ACSL3: variants seen among roughly 807,000 people sequenced by gnomAD.
ACSL3 encodes acyl-CoA synthetase long chain family member 3, also known as fatty acid CoA ligase Acsl3.
Under a neutral mutation model 84.7 loss-of-function variants are expected in ACSL3, and 34 were observed. The ratio of observed to expected loss-of-function variants is 0.40; its 90% CI spans 0.31 to 0.53. The LOEUF (loss-of-function observed/expected upper bound fraction) is 0.53, where lower values mean the gene tolerates loss of function less well. ACSL3 is among the 20% of genes least tolerant of loss of function. The pLI is 0.48. For synonymous variants in ACSL3, 315 were observed against 299.4 expected, an observed-to-expected ratio of 1.05 and a Z score of -0.54; for missense variants, 680 against 873.1, an observed-to-expected ratio of 0.78 and a Z score of 2.79.
chr2:222,887,726 G>A (rs1167941529), intron 1 of ACSL3, 104 bp from the exon 2 acceptor site: 1 of 152,170 alleles, frequency 6.6e-6, no homozygotes, highest in African/African-American at 2.4e-5. Flanking sequence ...AACTTTTCAT[G>A]TGAGGTTTAG....
rs369936756 is a variant in ACSL3, at chr2:222,871,952, TC to T, written c.-207+10701del. Among the ~76,000 whole-genome samples, 585 of 151,726 alleles carry T rather than the reference TC, an allele frequency of 3.9e-3. 2 individuals are homozygous for T. Among genetic ancestry groups the T allele is most frequent in the Middle Eastern group, 0.02 (6 of 294 alleles). ...TGTGGCATTACTGCTCTTGTGGCAT[TC>T]CCCCCCACCCCCGACTCCCTTGTTT... On this transcript the variant is annotated intron_variant, in intron 1 of 16. Coordinates refer to ENST00000357430, the MANE Select transcript of ACSL3 (RefSeq NM_004457.5).
intron 5 of ACSL3, chr2:222,917,598 T>G (rs895832947): frequency 6.6e-6 from 1 of 152,512 alleles, no homozygotes; most frequent in Non-Finnish European, 1.5e-5. Context: ...ATATTTTTGC[T>G]TGAGAATAAA....
chr2:222,926,355 T>TA (rs2106134302), intron 11 of ACSL3, among the ~76,000 whole-genome samples: 1 of 152,296 alleles, frequency 6.6e-6, no homozygotes, highest in Non-Finnish European at 1.5e-5. Context: ...AGTCTGTTAA[T>TA]ACCATTTTTA....
intron 6 of ACSL3, 35 bp downstream of exon 6, chr2:222,918,190 C>T (rs757522552): frequency 1.4e-6 from 2 of 1,437,056 alleles, no homozygotes; most frequent in Admixed American, 1.8e-5. Flanking sequence ...CTGTCTGATA[C>T]TTTAGAATTT....
At chr2:222,932,989 G>C (rs1697070088) in intron 14 of ACSL3, 177 bp from the exon 15 acceptor site, 1 of 485,894 alleles carries the variant, frequency 2.1e-6, no homozygotes, top group African/African-American at 2.0e-5. Flanking sequence ...CAAAAATTAG[G>C]GCCTAATTTT....
chr2:222,879,408 C>T (rs150774058), intron 1 of ACSL3, among the ~76,000 whole-genome samples: 1 of 152,166 alleles, frequency 6.6e-6, no homozygotes, highest in African/African-American at 2.4e-5. Context: ...TTGCTAACTC[C>T]CCCCATATAT....
intron 16 of ACSL3, among the ~76,000 whole-genome samples, chr2:222,937,812 CTT>C (rs981476596): frequency 6.6e-6 from 1 of 152,066 alleles, no homozygotes; most frequent in African/African-American, 2.4e-5. Context: ...ATATGAAAGA[CTT>C]TTCATACCTA....
chr2:222,926,950 AGTTTAAGTGATTTG>A, intron 11 of ACSL3, 53 bp from the exon 12 acceptor site: 1 of 1,516,502 alleles, frequency 6.6e-7, no homozygotes, highest in Non-Finnish European at 9.0e-7. Context: ...CTGGGGGATT[AGTTTAAGTGATTTG>A]GAAAATCCCA....
chr2:222,942,138 G>A lies in ACSL3; in HGVS notation c.*484G>A, dbSNP rs1204683746. 1 of 202,720 alleles carries A rather than the reference G, an allele frequency of 4.9e-6. No homozygotes were observed. The highest frequency in any genetic ancestry group is 1.0e-5 in the Non-Finnish European group (1 of 98,532). The allele number at this position is 202,720 out of a possible 1,614,324, so 12.6% of individuals were successfully genotyped here. A position where few individuals can be genotyped will look rare whatever the true frequency, so the allele number is the denominator to read the frequency against. On this transcript the variant is annotated 3_prime_UTR_variant, in exon 17 of 17. Transcript: ENST00000357430. The stretch of plus-strand genomic sequence containing the variant: ...TCAAATGCTTATGAATCAAATCATT[G>A]TTGAACAAAAGATTTGTTGCTGTGT...
At chr2:222,937,458 G>T (rs1291304025) in intron 16 of ACSL3, among the ~76,000 whole-genome samples, 2 of 152,050 alleles carry the variant, frequency 1.3e-5, no homozygotes, top group African/African-American at 2.4e-5. Flanking sequence ...AGTTATGTCA[G>T]TGTTTGCTTC....
intron 7 of ACSL3, chr2:222,920,823 TC>T (rs1170954836): frequency 1.6e-5 from 6 of 372,360 alleles, no homozygotes; most frequent in Non-Finnish European, 5.4e-6. Flanking sequence ...CTCACTCTGT[TC>T]CAGCCACACT....
intron 10 of ACSL3, among the ~76,000 whole-genome samples, chr2:222,923,944 C>T (rs114329863): frequency 0.013 from 1,958 of 152,274 alleles, 50 homozygotes; most frequent in African/African-American, 0.044. Flanking sequence ...AAATGCAGCA[C>T]AGACAAGGAA....
At position 222,868,977 on chromosome 2, in the gene ACSL3, A is replaced by T. The variant is rs79701015; in HGVS notation, c.-207+7719A>T. On this transcript the variant is annotated intron_variant, in intron 1 of 16. Transcript: ENST00000357430. ...AGAGGGAGACGCTGTCTCAAAAAAA[A>T]AAAAAAAATTAGGATTTATCGTGTT... 6.9e-3 allele frequency among the ~76,000 whole-genome samples: 1,049 copies of T among 152,230 alleles called. 12 individuals carry two copies. Among genetic ancestry groups the T allele is most frequent in the South Asian group, 0.046 (224 of 4,826 alleles).
At chr2:222,874,757 A>G (rs528116484) in intron 1 of ACSL3, among the ~76,000 whole-genome samples, 2 of 152,146 alleles carry the variant, frequency 1.3e-5, no homozygotes. Context: ...AAAAGCAATA[A>G]TTTTGCTTAT....
rs1046032 is a variant in ACSL3, at chr2:222,930,732, T to C, written c.1652T>C (p.Phe551Ser). 1.2e-3 allele frequency: 1,878 copies of C among 1,614,142 alleles called. 5 individuals carry two copies. Among genetic ancestry groups the C allele is most frequent in the Non-Finnish European group, 1.4e-3 (1,685 of 1,180,016 alleles). The change falls in exon 14 of 17, where the codon TTT becomes TCT. Residue 551 changes from phenylalanine (F) to serine (S), a missense_variant. Physicochemically the swap from Phe to Ser is radical, Grantham distance 155 (BLOSUM62 -2). Transcript: ENST00000357430. ...KNEAKTKADF[F>S]EDENGQRWLC... ...GAAGCAAAAACAAAAGCTGATTTCT[T>C]TGAAGATGAAAATGGACAAAGGTGG...
rs1697355399 is a variant in ACSL3, at chr2:222,942,900, TTG to T, written c.*1251_*1252del. ...GTTATTTGTAATTCAGAAACCTTGC[TTG>T]TGTGATACATAGTCTCTTCATTTAT... On this transcript the variant is annotated 3_prime_UTR_variant, in exon 17 of 17. Coordinates refer to ENST00000357430, the MANE Select transcript of ACSL3 (RefSeq NM_004457.5). 1.4e-5 allele frequency: 2 copies of T among 141,222 alleles called. No individual in the cohort carries two copies. The highest frequency in any genetic ancestry group is 1.7e-4 in the East Asian group (2 of 11,614). The allele number at this position is 141,222 out of a possible 1,614,324, so 8.7% of individuals were successfully genotyped here.
intron 3 of ACSL3, among the ~76,000 whole-genome samples, chr2:222,902,976 A>G (rs1243841756): frequency 6.6e-6 from 1 of 152,188 alleles, no homozygotes; most frequent in Non-Finnish European, 1.5e-5. Context: ...ACTCTACCCT[A>G]TCTGCCTAGG....
intron 16 of ACSL3, among the ~76,000 whole-genome samples, chr2:222,941,195 A>G (rs1697296132): frequency 6.6e-6 from 1 of 152,128 alleles, no homozygotes. Flanking sequence ...TTTCAGAGTT[A>G]CTGGGATTAC....
chr2:222,893,046 A>G (rs963872218), intron 2 of ACSL3, among the ~76,000 whole-genome samples: 1 of 152,222 alleles, frequency 6.6e-6, no homozygotes, highest in African/African-American at 2.4e-5. Flanking sequence ...ATTTGCAGAT[A>G]TGAACAGTTG....
Sources: gnomAD v4.1 joint callset for allele counts (sites outside exome capture counted in the v4.1 genomes callset) on GRCh38, gnomAD v4.1.1 for gene constraint, MANE v1.5 for transcripts, NCBI Gene and HGNC (gene_info 2026-07-23, HGNC 2026-07-21) for gene names.